Variants in DRAXIN observed in about 807,000 individuals in gnomAD.
The protein encoded by DRAXIN is dorsal repulsive axon guidance protein.
In DRAXIN, 27 loss-of-function variants were observed where a neutral mutation model predicts 33.9. The ratio of observed to expected loss-of-function variants is 0.80; its 90% confidence interval spans 0.59 to 1.10. The LOEUF (loss-of-function observed/expected upper bound fraction) is 1.10, where lower values mean the gene tolerates loss of function less well. Among genes scored for constraint, DRAXIN ranks in the 50% least tolerant of loss-of-function variants. The pLI is 0.00. For missense variants in DRAXIN, 371 were observed against 460.8 expected, an observed-to-expected ratio of 0.81 and a Z score of 1.78; for synonymous variants, 178 against 194.0, an observed-to-expected ratio of 0.92 and a Z score of 0.69.
chr1:11,698,157 C>T (rs1199344943), intron 1 of DRAXIN, among the ~76,000 whole-genome samples: 1 of 152,132 alleles, frequency 6.6e-6, no homozygotes, highest in Non-Finnish European at 1.5e-5. Context: ...GGAATAGACT[C>T]ATGAAGGGAG....
chr1:11,688,491 G>A (rs113686282), upstream of DRAXIN, among the ~76,000 whole-genome samples: 2,121 of 152,156 alleles, frequency 0.014, 46 homozygotes, highest in African/African-American at 0.048. The surrounding 1 kb of genome is among the most constrained non-coding windows in gnomAD (Gnocchi z 4.6). Flanking sequence ...AACTTGGGAG[G>A]CAGAGGTTGC....
intron 1 of DRAXIN, among the ~76,000 whole-genome samples, chr1:11,697,232 G>C (rs546992823): frequency 2.0e-5 from 3 of 152,162 alleles, no homozygotes; most frequent in Admixed American, 2.0e-4. Flanking sequence ...AGCTGGAATC[G>C]GTAGTAGTGA....
Position 11,723,334 on chromosome 1 carries a change from G to C in DRAXIN, c.*3638G>C, listed in dbSNP as rs1235883885. On this transcript the variant is annotated 3_prime_UTR_variant, in exon 7 of 7. Coordinates refer to ENST00000294485, the MANE Select transcript of DRAXIN (RefSeq NM_198545.4). The stretch of plus-strand genomic sequence containing the variant: ...CACAGGCCTGGGGCCCACCCACAAA[G>C]CTTCTGTTTTGTTTGGTCTGGGCTT... 6.6e-6 allele frequency: 1 copy of C among 152,112 alleles called. No individual in the cohort carries two copies. Among genetic ancestry groups the C allele is most frequent in the Non-Finnish European group, 1.5e-5 (1 of 68,028 alleles). The allele number at this position is 152,112 out of a possible 1,614,324, so 9.4% of individuals were successfully genotyped here.
At chr1:11,691,525 T>TG (rs1470293043), upstream of DRAXIN, 1 of 151,690 alleles carries the variant, frequency 6.6e-6, no homozygotes, top group African/African-American at 2.4e-5. Flanking sequence ...CCTAGGCCTC[T>TG]GGGGAGCTGG....
chr1:11,702,823 A>G (rs1393417981), intron 1 of DRAXIN, among the ~76,000 whole-genome samples: 1 of 151,752 alleles, frequency 6.6e-6, no homozygotes, highest in Non-Finnish European at 1.5e-5. Flanking sequence ...GCTCACTGCA[A>G]CTTCCGCCTC....
intron 3 of DRAXIN, 34 bp downstream of exon 3, chr1:11,709,499 G>A (rs781479277): frequency 5.7e-6 from 9 of 1,588,424 alleles, no homozygotes; most frequent in South Asian, 2.3e-5. Context: ...GGATCTGGAA[G>A]GGTCCTTGAG....
At chr1:11,707,521 G>C (rs1414242541) in intron 2 of DRAXIN, among the ~76,000 whole-genome samples, 1 of 152,188 alleles carries the variant, frequency 6.6e-6, no homozygotes, top group Non-Finnish European at 1.5e-5. Context: ...CCTCAGTGTC[G>C]TTGCAGAGAC....
chr1:11,703,129 C>A (rs72869785), intron 1 of DRAXIN, among the ~76,000 whole-genome samples: 1 of 152,190 alleles, frequency 6.6e-6, no homozygotes, highest in Non-Finnish European at 1.5e-5. Flanking sequence ...CTGGAGGGGC[C>A]GCAGAGCAGA....
intron 1 of DRAXIN, among the ~76,000 whole-genome samples, chr1:11,693,478 C>T (rs1009449206): frequency 2.0e-5 from 3 of 152,132 alleles, no homozygotes; most frequent in African/African-American, 4.8e-5. Flanking sequence ...CTGGCAGTGA[C>T]GTGGCCTGAG....
upstream of DRAXIN, among the ~76,000 whole-genome samples, chr1:11,687,471 C>T (rs1640979707): frequency 6.6e-6 from 1 of 152,256 alleles, no homozygotes; most frequent in Non-Finnish European, 1.5e-5. This position sits in a 1 kb window ranked among gnomAD's most constrained non-coding sequence, Gnocchi z 4.1. Flanking sequence ...AACTCCTGAC[C>T]TCAGGTGACC....
In DRAXIN at chr1:11,725,454, A is replaced by G. The variant is rs912826227; in HGVS notation, c.*5758A>G. 4 of 152,260 alleles carry G rather than the reference A, an allele frequency of 2.6e-5. No homozygotes were observed. Among genetic ancestry groups the G allele is most frequent in the African/African-American group, 9.6e-5 (4 of 41,464 alleles). 9.4% of individuals were successfully genotyped at this position (152,260 alleles called of 1,614,324 possible). A position where few individuals can be genotyped will look rare whatever the true frequency, so the allele number is the denominator to read the frequency against. Reference sequence around the variant, plus strand: ...CTCCAGGTCATTCTTGGGCACGATCAAATTTGAGAATCACAGGTCTAGGAT... The same window carrying G: ...CTCCAGGTCATTCTTGGGCACGATCGAATTTGAGAATCACAGGTCTAGGAT... On this transcript the variant is annotated 3_prime_UTR_variant, in exon 7 of 7. Transcript: ENST00000294485.
At chr1:11,710,853 C>A (rs1293370733) in intron 3 of DRAXIN, among the ~76,000 whole-genome samples, 1 of 131,920 alleles carries the variant, frequency 7.6e-6, no homozygotes, top group Non-Finnish European at 1.5e-5. Context: ...ACCCGGGAGG[C>A]AGAGCTTGCA....
At chr1:11,708,778 C>T (rs1046993143) in intron 2 of DRAXIN, among the ~76,000 whole-genome samples, 5 of 152,200 alleles carry the variant, frequency 3.3e-5, no homozygotes, top group African/African-American at 1.2e-4. Context: ...ACAGCAGGTG[C>T]TCCATTAATG....
rs912197327 is a variant in DRAXIN, at chr1:11,696,825, G to A, written c.-11+4972G>A. Among the ~76,000 whole-genome samples the A allele has an allele frequency of 6.6e-6, 1 of 152,024 alleles. No homozygotes were observed. The highest frequency in any genetic ancestry group is 2.4e-5 in the African/African-American group (1 of 41,464). On this transcript the variant is annotated intron_variant, in intron 1 of 6. Transcript: ENST00000294485. This position sits in a 1 kb window ranked among gnomAD's most constrained non-coding sequence, Gnocchi z 4.7. ...TTCAGTGAGCCAAGATCGCGCCACTGCACTCCAGCCTGGTGACAGAGCAAG... is the reference window on the plus strand; with the variant it reads ...TTCAGTGAGCCAAGATCGCGCCACTACACTCCAGCCTGGTGACAGAGCAAG...
intron 1 of DRAXIN, among the ~76,000 whole-genome samples, chr1:11,702,354 AAC>A (rs145804847): frequency 0.048 from 7,063 of 148,100 alleles, 412 homozygotes; most frequent in African/African-American, 0.14. Flanking sequence ...ATACACTGAC[AAC>A]ACACACACCT....
At chr1:11,690,048 T>C (rs1395312462), upstream of DRAXIN, among the ~76,000 whole-genome samples, 5 of 152,110 alleles carry the variant, frequency 3.3e-5, no homozygotes, top group Non-Finnish European at 7.4e-5. This position sits in a 1 kb window ranked among gnomAD's most constrained non-coding sequence, Gnocchi z 4.2. Flanking sequence ...AAGAGGCCTT[T>C]CCTAATAACT....
chr1:11,709,958 G>A (rs561351570), intron 3 of DRAXIN, among the ~76,000 whole-genome samples: 2 of 152,078 alleles, frequency 1.3e-5, no homozygotes, highest in East Asian at 3.9e-4. Context: ...AGGCCAAGGT[G>A]GGCAGATCAC....
chr1:11,691,055 C>A (rs892811652), upstream of DRAXIN, among the ~76,000 whole-genome samples: 2 of 152,192 alleles, frequency 1.3e-5, no homozygotes, highest in Non-Finnish European at 1.5e-5. Flanking sequence ...TTTGAAGACC[C>A]TTTGTACCCC....
At chr1:11,715,041 G>C in intron 5 of DRAXIN, 78 bp from the exon 6 acceptor site, 1 of 1,535,922 alleles carries the variant, frequency 6.5e-7, no homozygotes, top group Non-Finnish European at 9.0e-7. Flanking sequence ...TGGATCTCTT[G>C]TCCAGTGGGA....
Sources: gnomAD v4.1 joint callset for allele counts (sites outside exome capture counted in the v4.1 genomes callset) on GRCh38, gnomAD v4.1.1 for gene constraint, Gnocchi (gnomAD v3.1) non-coding constraint, MANE v1.5 for transcripts, NCBI Gene and HGNC (gene_info 2026-07-23, HGNC 2026-07-21) for gene names.